SYTL2: variants seen among roughly 807,000 people sequenced by gnomAD.
SYTL2 encodes the protein synaptotagmin like 2.
SYTL2 carries 165 observed loss-of-function variants against 198.7 expected under a neutral mutation model. That is an observed-to-expected ratio of 0.83 (90% CI 0.73 to 0.94). SYTL2 has a LOEUF of 0.94. SYTL2 is among the 40% of genes least tolerant of loss of function. The probability of loss-of-function intolerance (pLI) is 0.00; values close to 1 mark genes in which losing one functional copy is unlikely to be tolerated. For synonymous variants in SYTL2, 966 were observed against 917.7 expected, an observed-to-expected ratio of 1.05 and a Z score of -0.95; for missense variants, 2,835 against 2,582.8, an observed-to-expected ratio of 1.10 and a Z score of -2.12.
the SYTL2 span, among the ~76,000 whole-genome samples, chr11:85,841,943 A>G: frequency 1.3e-5 from 2 of 152,232 alleles, no homozygotes; most frequent in Non-Finnish European, 2.9e-5. Flanking sequence ...TTCTCACAGT[A>G]TGGCATGCCT....
chr11:85,838,549 G>A, the SYTL2 span, among the ~76,000 whole-genome samples: 17 of 152,256 alleles, frequency 1.1e-4, no homozygotes, highest in Admixed American at 2.6e-4. Flanking sequence ...TCCAAACCCA[G>A]CAGAAGGCAA....
rs1372835086 is a variant in SYTL2 at position 85,724,345 on chromosome 11, A to G, written c.5013T>C (p.His1671=). Residue 1671 remains histidine, a synonymous_variant, in exon 8 of 20, where the codon CAT becomes CAC. Coordinates refer to ENST00000359152, the MANE Select transcript of SYTL2 (RefSeq NM_206927.4). ...TTACAGTTTTAATGGTCCCTATTTC[A>G]TGAGCCACATAAAGTTGTGGGGTTC... ...IPRTPQLYVA[H]EIGTIKTVTP... 1 of 1,583,858 alleles carries G rather than the reference A, an allele frequency of 6.3e-7. No homozygotes were observed. The highest frequency in any genetic ancestry group is 1.2e-5 in the South Asian group (1 of 84,852).
intron 1 of SYTL2, among the ~76,000 whole-genome samples, chr11:85,773,280 C>T (rs563437285): frequency 2.0e-5 from 3 of 151,232 alleles, no homozygotes; most frequent in African/African-American, 7.3e-5. Context: ...TACATTAGCC[C>T]CTCCAGATCT....
the SYTL2 span, chr11:85,853,466 G>A: frequency 1.3e-5 from 5 of 378,040 alleles, no homozygotes; most frequent in East Asian, 4.7e-4. Flanking sequence ...AAGGCAGCAT[G>A]CTCCTTAAGA....
intron 15 of SYTL2, among the ~76,000 whole-genome samples, chr11:85,706,535 G>C (rs2085172749): frequency 6.6e-6 from 1 of 152,202 alleles, no homozygotes; most frequent in South Asian, 2.1e-4. Context: ...GAGGCAGTTA[G>C]GGAAATAATG....
At chr11:85,819,265 G>A in the SYTL2 span, among the ~76,000 whole-genome samples, 1 of 152,116 alleles carries the variant, frequency 6.6e-6, no homozygotes, top group Non-Finnish European at 1.5e-5. Context: ...AATGGAAAAG[G>A]AAAAATATTA....
intron 2 of SYTL2, among the ~76,000 whole-genome samples, chr11:85,755,775 G>T (rs2091829386): frequency 6.6e-6 from 1 of 152,152 alleles, no homozygotes; most frequent in Admixed American, 6.5e-5. Context: ...AAGATAGAAG[G>T]GAGGGAGGAA....
chr11:85,814,773 G>A (rs2093059556), upstream of SYTL2, among the ~76,000 whole-genome samples: 2 of 152,194 alleles, frequency 1.3e-5, no homozygotes, highest in South Asian at 4.1e-4. Flanking sequence ...GGTAGCATAA[G>A]CTAGGTGTGG....
At chr11:85,713,633 G>C (rs1332577994) in intron 12 of SYTL2, among the ~76,000 whole-genome samples, 1 of 152,212 alleles carries the variant, frequency 6.6e-6, no homozygotes, top group Non-Finnish European at 1.5e-5. Context: ...TTTGGGGAAA[G>C]TTATTTAACC....
intron 5 of SYTL2, 139 bp from the exon 6 acceptor site, chr11:85,736,754 CTGAT>C (rs1179794866): frequency 3.2e-6 from 2 of 618,370 alleles, no homozygotes; most frequent in Non-Finnish European, 5.7e-6. Flanking sequence ...AACAGTTGTC[CTGAT>C]TAATCTGCTT....
upstream of SYTL2, among the ~76,000 whole-genome samples, chr11:85,811,987 G>C (rs1388786060): frequency 6.6e-6 from 1 of 152,152 alleles, no homozygotes; most frequent in African/African-American, 2.4e-5. Context: ...AGCGCCCGTA[G>C]TCCCAACTAC....
At chr11:85,733,021 G>A (rs1565944694) in intron 7 of SYTL2, among the ~76,000 whole-genome samples, 1 of 152,188 alleles carries the variant, frequency 6.6e-6, no homozygotes, top group Admixed American at 6.5e-5. Context: ...GCAGGGAAAA[G>A]CAGTACCCTC....
chr11:85,720,556 A>C (rs1004505151), intron 9 of SYTL2, among the ~76,000 whole-genome samples: 1 of 152,218 alleles, frequency 6.6e-6, no homozygotes, highest in Non-Finnish European at 1.5e-5. Flanking sequence ...ATTTTCACTA[A>C]TACTACTAGC....
the SYTL2 span, among the ~76,000 whole-genome samples, chr11:85,822,129 A>C: frequency 1.2e-3 from 182 of 152,360 alleles, no homozygotes; most frequent in African/African-American, 4.2e-3. Context: ...AAGTGAGGAT[A>C]CTAAGGATCA....
intron 1 of SYTL2, among the ~76,000 whole-genome samples, chr11:85,794,623 G>A (rs570787183): frequency 2.6e-5 from 4 of 152,290 alleles, no homozygotes; most frequent in African/African-American, 7.2e-5. Flanking sequence ...ATCCCTTGGT[G>A]AGGAAACTTG....
chr11:85,833,158 A>AAG, the SYTL2 span, among the ~76,000 whole-genome samples: 193 of 82,724 alleles, frequency 2.3e-3, 24 homozygotes, highest in East Asian at 4.1e-3. Context: ...AAGGAAGGAA[A>AAG]GAAAGAAAGA....
intron 1 of SYTL2, among the ~76,000 whole-genome samples, chr11:85,801,072 G>C (rs1201441654): frequency 6.6e-6 from 1 of 152,136 alleles, no homozygotes; most frequent in Non-Finnish European, 1.5e-5. Flanking sequence ...TAGGGAGAAG[G>C]GCCACCTAGC....
intron 17 of SYTL2, 51 bp downstream of exon 17, chr11:85,700,464 A>T: frequency 7.0e-7 from 1 of 1,427,958 alleles, no homozygotes; most frequent in Non-Finnish European, 9.9e-7. Context: ...ATACTGTGAG[A>T]AGGGAGGGAT....
the SYTL2 span, among the ~76,000 whole-genome samples, chr11:85,831,067 T>C: frequency 1.3e-5 from 2 of 152,304 alleles, no homozygotes; most frequent in East Asian, 3.9e-4. Flanking sequence ...AAGTTGAGTG[T>C]ATTCAGTGGG....
Sources: allele counts gnomAD v4.1 joint callset (sites outside exome capture counted in the v4.1 genomes callset), GRCh38; gene constraint gnomAD v4.1.1; transcripts MANE v1.5; gene names NCBI Gene and HGNC (gene_info 2026-07-23, HGNC 2026-07-21).